The following MAPK10 variants were observed in gnomAD, a reference collection of about 807,000 sequenced individuals.
MAPK10 encodes the protein mitogen-activated protein kinase 10.
A neutral mutation model predicts 59.3 loss-of-function variants in MAPK10; 25 were observed. The ratio of observed to expected loss-of-function variants is 0.42; its 90% CI spans 0.31 to 0.59. The LOEUF (loss-of-function observed/expected upper bound fraction) is 0.59, where lower values mean the gene tolerates loss of function less well. MAPK10 is among the 20% of genes least tolerant of loss of function. MAPK10 has a pLI of 0.15. For synonymous variants in MAPK10, 190 were observed against 200.5 expected (o/e 0.95, Z 0.44); for missense variants, 351 against 568.9 (o/e 0.62, Z 3.90).
chr4:86,527,046 T>C (rs946530983), intron 1 of MAPK10, among the ~76,000 whole-genome samples: 1 of 152,114 alleles, frequency 6.6e-6, no homozygotes, highest in Non-Finnish European at 1.5e-5. Flanking sequence ...CAGTAGCTCA[T>C]GCCTATAGTC....
At chr4:86,423,679 T>A (rs1416590459) in intron 1 of MAPK10, among the ~76,000 whole-genome samples, 1 of 150,870 alleles carries the variant, frequency 6.6e-6, no homozygotes, top group Non-Finnish European at 1.5e-5. Flanking sequence ...GAGAATGGTG[T>A]GAGACTTCAC....
chr4:86,074,647 T>C (rs1169822206), intron 9 of MAPK10, among the ~76,000 whole-genome samples: 1 of 140,018 alleles, frequency 7.1e-6, no homozygotes, highest in Non-Finnish European at 1.6e-5. Context: ...TCTCCTTCAC[T>C]TATGAAGCTC....
intron 1 of MAPK10, among the ~76,000 whole-genome samples, chr4:86,488,286 A>C (rs911854684): frequency 2.0e-4 from 30 of 152,182 alleles, no homozygotes; most frequent in Non-Finnish European, 3.5e-4. Flanking sequence ...CAGCTGATGA[A>C]AAAGAACCTA....
intron 5 of MAPK10, 143 bp downstream of exon 5, chr4:86,107,080 T>C: frequency 1.7e-6 from 1 of 593,310 alleles, no homozygotes; most frequent in East Asian, 2.9e-5. Flanking sequence ...TGAAATCGAA[T>C]GTAGCATATT....
intron 3 of MAPK10, among the ~76,000 whole-genome samples, chr4:86,167,669 C>G (rs960429189): frequency 6.6e-6 from 1 of 152,078 alleles, no homozygotes; most frequent in African/African-American, 2.4e-5. Flanking sequence ...ATTCAACATC[C>G]CTTCATGTTA....
chr4:86,159,186 C>T, intron 4 of MAPK10, 112 bp downstream of exon 4: 1 of 785,870 alleles, frequency 1.3e-6, no homozygotes, highest in Non-Finnish European at 1.9e-6. Flanking sequence ...GATTATTTTT[C>T]CCTCCCAAAT....
chr4:86,483,872 T>C (rs1001392432), intron 1 of MAPK10, among the ~76,000 whole-genome samples: 1 of 152,276 alleles, frequency 6.6e-6, no homozygotes, highest in East Asian at 1.9e-4. Flanking sequence ...TTGAGGGCTT[T>C]ATAAAAGAAG....
chr4:86,486,018 G>A (rs1040929847), intron 1 of MAPK10, among the ~76,000 whole-genome samples: 3 of 152,180 alleles, frequency 2.0e-5, no homozygotes, highest in African/African-American at 7.2e-5. Flanking sequence ...TGGCAGCCCA[G>A]GCCAACTAAT....
chr4:86,222,032 C>A (rs1371210735), intron 2 of MAPK10, among the ~76,000 whole-genome samples: 2 of 152,180 alleles, frequency 1.3e-5, no homozygotes, highest in Non-Finnish European at 2.9e-5. Flanking sequence ...CTGCCCCTCA[C>A]TCTCTTGCTC....
chr4:86,254,747 G>A (rs1010857472), intron 2 of MAPK10, among the ~76,000 whole-genome samples: 22 of 149,148 alleles, frequency 1.5e-4, no homozygotes, highest in African/African-American at 3.0e-4. Context: ...TTTCTGTCTC[G>A]TTGATCTGTC....
upstream of MAPK10, among the ~76,000 whole-genome samples, chr4:86,364,668 C>T (rs1737546197): frequency 6.6e-6 from 1 of 152,070 alleles, no homozygotes; most frequent in East Asian, 1.9e-4. Context: ...TAAATATTTC[C>T]CATTCCCGGT....
chr4:86,400,999 G>A (rs1394091964), intron 1 of MAPK10, among the ~76,000 whole-genome samples: 1 of 152,110 alleles, frequency 6.6e-6, no homozygotes, highest in African/African-American at 2.4e-5. Flanking sequence ...AATTTTCTCA[G>A]TTAATAAATT....
At chr4:86,149,222 A>G (rs1203759962) in intron 4 of MAPK10, among the ~76,000 whole-genome samples, 8 of 152,058 alleles carry the variant, frequency 5.3e-5, no homozygotes, top group Non-Finnish European at 7.4e-5. Context: ...CTGGCCACCA[A>G]TTCAAATCTT....
Position 86,029,079 on chromosome 4 carries a change from A to G in MAPK10, c.1252+118T>C, listed in dbSNP as rs776850280. ...CTAAAATCATTATAAGGACACAACCATGTGATATTTGTCCATCTGCTCTTT... is the reference window on the plus strand; with the variant it reads ...CTAAAATCATTATAAGGACACAACCGTGTGATATTTGTCCATCTGCTCTTT... On this transcript the variant is annotated intron_variant, in intron 13 of 13. Transcript: ENST00000641462. 3 of 774,072 alleles carry G rather than the reference A, an allele frequency of 3.9e-6. No homozygotes were observed. In the South Asian group the frequency reaches 4.1e-5, roughly 10 times the overall value. 48.0% of individuals were successfully genotyped at this position (774,072 alleles called of 1,614,324 possible).
At chr4:86,548,097 C>G (rs1269175161) in intron 1 of MAPK10, among the ~76,000 whole-genome samples, 1 of 152,164 alleles carries the variant, frequency 6.6e-6, no homozygotes, top group East Asian at 1.9e-4. Context: ...AATCTTGCTG[C>G]TGCTCACTGC....
intron 4 of MAPK10, chr4:86,159,057 A>G (rs2068709772): frequency 3.0e-6 from 1 of 337,006 alleles, no homozygotes; most frequent in Admixed American, 4.7e-5. Context: ...TTCTTGTGTA[A>G]TAACTTTTTT....
chr4:86,372,291 G>T (rs1226422193), intron 1 of MAPK10, among the ~76,000 whole-genome samples: 1 of 152,038 alleles, frequency 6.6e-6, no homozygotes, highest in Non-Finnish European at 1.5e-5. Flanking sequence ...AGCTGAGGTG[G>T]GCAGATCACG....
At chr4:86,321,353 A>G (rs969087080) in intron 2 of MAPK10, among the ~76,000 whole-genome samples, 1 of 151,898 alleles carries the variant, frequency 6.6e-6, no homozygotes, top group Non-Finnish European at 1.5e-5. Context: ...CAACAATGAT[A>G]AACTGGATTA....
chr4:86,294,139 G>A lies in MAPK10; in HGVS notation c.-7+60391C>T, dbSNP rs564505003. On this transcript the variant is annotated intron_variant, in intron 2 of 13. Coordinates refer to ENST00000641462, the MANE Select transcript of MAPK10 (RefSeq NM_138982.4). Reference sequence around the variant, plus strand: ...ATTAGCTCCGAGGTGTGCTGTATAGGAGCCCCCAGAGTTCCTTGGCAGGAC... The same window carrying A: ...ATTAGCTCCGAGGTGTGCTGTATAGAAGCCCCCAGAGTTCCTTGGCAGGAC... Among the ~76,000 whole-genome samples the A allele has an allele frequency of 4.6e-5, 7 of 152,300 alleles. No individual in the cohort carries two copies. In the South Asian group the frequency reaches 1.5e-3, roughly 32 times the overall value.
Sources: gnomAD v4.1 joint callset for allele counts (sites outside exome capture counted in the v4.1 genomes callset) on GRCh38, gnomAD v4.1.1 for gene constraint, MANE v1.5 for transcripts, NCBI Gene and HGNC (gene_info 2026-07-23, HGNC 2026-07-21) for gene names.